ZFYVE1: variants seen among roughly 807,000 people sequenced by gnomAD.
The protein encoded by ZFYVE1 is zinc finger FYVE-type containing 1, also known as zinc finger FYVE domain-containing protein 1.
In ZFYVE1, 30 loss-of-function variants were observed where a neutral mutation model predicts 74.4. The ratio of observed to expected loss-of-function variants is 0.40; its 90% CI spans 0.30 to 0.55. The LOEUF is 0.55. ZFYVE1 is among the 20% of genes least tolerant of loss of function. The pLI, the probability that ZFYVE1 is intolerant of heterozygous loss-of-function variation, is 0.42. For missense variants in ZFYVE1, 703 were observed against 1,011.6 expected (o/e 0.69, Z 4.14); for synonymous variants, 335 against 385.1 (o/e 0.87, Z 1.52).
chr14:73,024,710 G>C lies in ZFYVE1; in HGVS notation c.-202C>G. The C allele has an allele frequency of 2.9e-6, 2 of 678,530 alleles. No homozygotes were observed. Among genetic ancestry groups the C allele is most frequent in the East Asian group, 3.0e-5 (1 of 33,476 alleles). The allele number at this position is 678,530 out of a possible 1,614,324, so 42.0% of individuals were successfully genotyped here. A position where few individuals can be genotyped will look rare whatever the true frequency, so the allele number is the denominator to read the frequency against. ...TTAATTTGCTGCCTCTAAGACTCTT[G>C]TATTAGCAGCAACGTTGATTTGGTT... On this transcript the variant is annotated 5_prime_UTR_variant, in exon 2 of 12. Transcript: ENST00000556143.
In ZFYVE1 at chr14:72,969,784, G is replaced by A. The variant is rs561525115; in HGVS notation, c.*1098C>T. ...CTTGAGGAGAAACAAAAGTTCCTTTGACTTCTCTTGCAAGGACCAAAGAGA... is the reference window on the plus strand; with the variant it reads ...CTTGAGGAGAAACAAAAGTTCCTTTAACTTCTCTTGCAAGGACCAAAGAGA... On this transcript the variant is annotated 3_prime_UTR_variant, in exon 12 of 12. Coordinates refer to ENST00000556143, the MANE Select transcript of ZFYVE1 (RefSeq NM_021260.4). 1.3e-5 allele frequency: 9 copies of A among 700,918 alleles called. No individual in the cohort carries two copies. Among genetic ancestry groups the A allele is most frequent in the Middle Eastern group, 2.3e-4 (1 of 4,350 alleles). The allele number at this position is 700,918 out of a possible 1,614,324, so 43.4% of individuals were successfully genotyped here. A position where few individuals can be genotyped will look rare whatever the true frequency, so the allele number is the denominator to read the frequency against.
chr14:72,980,945 C>A (rs1034674870), intron 5 of ZFYVE1, among the ~76,000 whole-genome samples: 30 of 152,152 alleles, frequency 2.0e-4, no homozygotes, highest in Admixed American at 2.0e-3. Context: ...ACCCAGTGAT[C>A]CTGCCCTTCA....
At position 72,969,863 on chromosome 14, in the gene ZFYVE1, C is replaced by G. The variant is rs1892984892; in HGVS notation, c.*1019G>C. 1.6e-6 allele frequency: 1 copy of G among 640,302 alleles called. No homozygotes were observed. Among genetic ancestry groups the G allele is most frequent in the Non-Finnish European group, 2.8e-6 (1 of 359,212 alleles). The allele number at this position is 640,302 out of a possible 1,614,324, so 39.7% of individuals were successfully genotyped here. On this transcript the variant is annotated 3_prime_UTR_variant, in exon 12 of 12. Coordinates refer to ENST00000556143, the MANE Select transcript of ZFYVE1 (RefSeq NM_021260.4). ...TATTTATATAGACTTTTAAAAACAA[C>G]TAACAGTTCATCCTGTGCTCAGTTT... is the stretch of plus-strand genomic sequence containing the variant.
At chr14:72,984,217 T>G (rs61986501) in intron 4 of ZFYVE1, among the ~76,000 whole-genome samples, 3 of 152,028 alleles carry the variant, frequency 2.0e-5, no homozygotes, top group Non-Finnish European at 2.9e-5. Flanking sequence ...CTATACTTTT[T>G]GGGGGTACTT....
intron 11 of ZFYVE1, 69 bp from the exon 12 acceptor site, chr14:72,971,183 T>C: frequency 6.6e-7 from 1 of 1,510,870 alleles, no homozygotes; most frequent in Non-Finnish European, 9.1e-7. Context: ...CAAGAGGCCA[T>C]CCTCGGATGC....
chr14:72,985,077 T>C (rs1363340197), intron 4 of ZFYVE1, among the ~76,000 whole-genome samples: 1 of 152,218 alleles, frequency 6.6e-6, no homozygotes, highest in Non-Finnish European at 1.5e-5. Context: ...AACTACTCCC[T>C]AACTGGCCAA....
chr14:73,020,067 C>A (rs1164685024), intron 2 of ZFYVE1, among the ~76,000 whole-genome samples: 5 of 152,050 alleles, frequency 3.3e-5, no homozygotes, highest in African/African-American at 1.2e-4. Flanking sequence ...CCATCCTGGT[C>A]AATATGGTGA....
Position 72,993,218 on chromosome 14 carries a change from A to G in ZFYVE1, c.1128T>C (p.Arg376=), listed in dbSNP as rs148533765. 11 of 1,613,724 alleles carry G rather than the reference A, an allele frequency of 6.8e-6. No individual in the cohort carries two copies. The highest frequency in any genetic ancestry group is 8.5e-6 in the Non-Finnish European group (10 of 1,179,968). ...TATTCTCTAGTAGCTGCTCCAAAGCACGCCGAAGCCCAGAAAAGTCCGTGG... is the reference window on the plus strand; with the variant it reads ...TATTCTCTAGTAGCTGCTCCAAAGCGCGCCGAAGCCCAGAAAAGTCCGTGG... ...NPPTDFSGLR[R]ALEQLLENNT... is the part of the protein sequence containing the mutation. The change falls in exon 4 of 12, where the codon CGT becomes CGC. Residue 376 remains arginine (R), a synonymous_variant. Coordinates refer to ENST00000556143, the MANE Select transcript of ZFYVE1 (RefSeq NM_021260.4).
At chr14:73,013,642 C>T (rs1324425925) in intron 2 of ZFYVE1, among the ~76,000 whole-genome samples, 1 of 151,684 alleles carries the variant, frequency 6.6e-6, no homozygotes, top group South Asian at 2.1e-4. Context: ...GGAAAATGAA[C>T]AAAATATTCT....
intron 11 of ZFYVE1, 59 bp downstream of exon 11, chr14:72,974,021 G>A (rs1456575132): frequency 2.5e-5 from 38 of 1,491,662 alleles, no homozygotes; most frequent in Non-Finnish European, 3.5e-5. Flanking sequence ...ACAGCCCAGG[G>A]CACCTGAAAC....
At chr14:72,988,883 T>A (rs2140358404) in intron 4 of ZFYVE1, among the ~76,000 whole-genome samples, 1 of 149,980 alleles carries the variant, frequency 6.7e-6, no homozygotes, top group Non-Finnish European at 1.5e-5. Flanking sequence ...ATGAAGGATA[T>A]ATATACATAC....
intron 6 of ZFYVE1, among the ~76,000 whole-genome samples, chr14:72,978,566 C>CA (rs58858186): frequency 0.014 from 738 of 50,924 alleles, 92 homozygotes; most frequent in Non-Finnish European, 0.016. Flanking sequence ...GACTCTGTCT[C>CA]AAAAAAAAAA....
At chr14:72,979,824 G>C (rs1483923452) in intron 5 of ZFYVE1, among the ~76,000 whole-genome samples, 1 of 152,136 alleles carries the variant, frequency 6.6e-6, no homozygotes, top group Non-Finnish European at 1.5e-5. Flanking sequence ...ACCCAGAACA[G>C]GCTGCCAAGA....
intron 2 of ZFYVE1, among the ~76,000 whole-genome samples, chr14:73,018,339 G>A (rs1021759397): frequency 6.6e-6 from 1 of 150,518 alleles, no homozygotes; most frequent in African/African-American, 2.4e-5. Context: ...GCGGAGGAAG[G>A]AGAATCGCTT....
At chr14:73,009,419 A>G (rs993980315) in intron 2 of ZFYVE1, among the ~76,000 whole-genome samples, 1 of 152,200 alleles carries the variant, frequency 6.6e-6, no homozygotes, top group East Asian at 1.9e-4. Flanking sequence ...CCCAAGCCAG[A>G]GTCATCACCA....
Position 72,970,738 on chromosome 14 carries a change from C to T in ZFYVE1, c.*144G>A, listed in dbSNP as rs1014275847. 6.5e-6 allele frequency: 6 copies of T among 925,332 alleles called. No homozygotes were observed. The African/African-American group carries it at 1.0e-4, about 15-fold the overall frequency. The allele number at this position is 925,332 out of a possible 1,614,324, so 57.3% of individuals were successfully genotyped here. On this transcript the variant is annotated 3_prime_UTR_variant, in exon 12 of 12. Transcript: ENST00000556143. ...CCTTCGGGCCTGCCGCCAGGCTCAC[C>T]CCCACTGAGGGAAAGTGGCCCTGGA... is the stretch of plus-strand genomic sequence containing the variant.
intron 5 of ZFYVE1, among the ~76,000 whole-genome samples, chr14:72,980,532 AATTAATTTATTTATTTATTT>A (rs1473563412): frequency 3.9e-4 from 38 of 97,454 alleles, no homozygotes; most frequent in Admixed American, 1.5e-3. Flanking sequence ...CCTGAGAATT[AATTAATTTATTTATTTATTT>A]ATTTATTTAT....
intron 4 of ZFYVE1, chr14:72,986,988 T>G (rs1256275435): frequency 8.1e-6 from 8 of 985,102 alleles, no homozygotes; most frequent in Non-Finnish European, 9.6e-6. Context: ...CAAGAAAGCT[T>G]GGGAAAGCAT....
chr14:72,971,210 C>A, intron 11 of ZFYVE1, 96 bp from the exon 12 acceptor site: 1 of 1,228,856 alleles, frequency 8.1e-7, no homozygotes, highest in Non-Finnish European at 1.1e-6. Flanking sequence ...GCTTATAATC[C>A]CAACTGCACA....
Sources: gnomAD v4.1 joint callset for allele counts (sites outside exome capture counted in the v4.1 genomes callset) on GRCh38, gnomAD v4.1.1 for gene constraint, MANE v1.5 for transcripts, NCBI Gene and HGNC (gene_info 2026-07-23, HGNC 2026-07-21) for gene names.